The following MERTK variants were observed in gnomAD, a reference collection of about 807,000 sequenced individuals.
The protein encoded by MERTK is MER proto-oncogene, tyrosine kinase.
Under a neutral mutation model 99.3 loss-of-function variants are expected in MERTK, and 69 were observed. The observed-to-expected ratio is 0.70, with a 90% CI of 0.57 to 0.85. The LOEUF (loss-of-function observed/expected upper bound fraction) is 0.85, where lower values mean the gene tolerates loss of function less well. MERTK is among the 40% of genes least tolerant of loss of function. The pLI is 0.00. For missense variants in MERTK, 1,125 were observed against 1,249.4 expected (o/e 0.90, Z 1.50); for synonymous variants, 426 against 467.6 (o/e 0.91, Z 1.15).
intron 11 of MERTK, among the ~76,000 whole-genome samples, chr2:112,002,720 T>G (rs1014282434): frequency 6.6e-6 from 1 of 152,176 alleles, no homozygotes; most frequent in African/African-American, 2.4e-5. Flanking sequence ...ACACCTGTAA[T>G]CCCAGCACTT....
intron 1 of MERTK, among the ~76,000 whole-genome samples, chr2:111,910,137 T>A (rs1378813193): frequency 6.6e-6 from 1 of 152,180 alleles, no homozygotes; most frequent in Non-Finnish European, 1.5e-5. Flanking sequence ...TTGTGGTGCA[T>A]GCCTATGGTC....
intron 1 of MERTK, among the ~76,000 whole-genome samples, chr2:111,903,235 C>T (rs1005629851): frequency 1.2e-4 from 19 of 152,240 alleles, no homozygotes; most frequent in African/African-American, 4.6e-4. Context: ...CAAGCCCCTG[C>T]ATGTCTTACC....
chr2:111,928,216 C>CCTTTTTTTTTTTTTTTTTTTT (rs1558774697), intron 1 of MERTK, among the ~76,000 whole-genome samples: 1 of 84,848 alleles, frequency 1.2e-5, no homozygotes. Context: ...CCATGAGCAG[C>CCTTTTTTTTTTTTTTTTTTTT]TTTTTTTTTT....
intron 2 of MERTK, among the ~76,000 whole-genome samples, chr2:111,932,469 C>T (rs1455893449): frequency 6.6e-6 from 1 of 152,192 alleles, no homozygotes; most frequent in Non-Finnish European, 1.5e-5. Context: ...GCGTGAGCCA[C>T]CGTGCCTGGC....
chr2:111,921,820 T>C (rs767576323), intron 1 of MERTK, among the ~76,000 whole-genome samples: 3 of 152,136 alleles, frequency 2.0e-5, no homozygotes, highest in Non-Finnish European at 4.4e-5. Context: ...CTTGAACTCC[T>C]GGGCTCAAGC....
At chr2:111,939,663 T>TTG (rs1553448438) in intron 2 of MERTK, among the ~76,000 whole-genome samples, 3 of 129,420 alleles carry the variant, frequency 2.3e-5, no homozygotes, top group Non-Finnish European at 5.0e-5. Context: ...AATTTTTTTT[T>TTG]TTTTTTTTTT....
chr2:112,029,183 G>T lies in MERTK; in HGVS notation c.*319G>T. On this transcript the variant is annotated 3_prime_UTR_variant, in exon 19 of 19. Transcript: ENST00000295408. ...ATATTAACATTTGTACAGAGTTGAA[G>T]TTGTTTTTTCAAGTTCTTTTCTTTT... 9.9e-7 allele frequency: 1 copy of T among 1,009,888 alleles called. No homozygotes were observed. Among genetic ancestry groups the T allele is most frequent in the Non-Finnish European group, 1.2e-6 (1 of 840,922 alleles). 62.6% of individuals were successfully genotyped at this position (1,009,888 alleles called of 1,614,324 possible).
chr2:111,951,714 A>G (rs1356965505), intron 4 of MERTK, among the ~76,000 whole-genome samples: 1 of 151,612 alleles, frequency 6.6e-6, no homozygotes. Flanking sequence ...TTGATGAATC[A>G]TATGGTAGTT....
At chr2:111,920,558 G>A (rs1471669131) in intron 1 of MERTK, among the ~76,000 whole-genome samples, 1 of 106,304 alleles carries the variant, frequency 9.4e-6, no homozygotes, top group Non-Finnish European at 2.0e-5. Flanking sequence ...CTGATTGAAG[G>A]TTGTTTTTTT....
intron 16 of MERTK, 113 bp from the exon 17 acceptor site, chr2:112,021,309 T>C: frequency 6.8e-7 from 1 of 1,476,332 alleles, no homozygotes; most frequent in Non-Finnish European, 9.3e-7. Flanking sequence ...GCTGGTGGTG[T>C]CTCTGTGTTC....
At chr2:111,988,672 G>C (rs1008742725) in intron 8 of MERTK, among the ~76,000 whole-genome samples, 2 of 152,242 alleles carry the variant, frequency 1.3e-5, no homozygotes, top group African/African-American at 4.8e-5. Flanking sequence ...GAGGCCAGGC[G>C]TGGTGGCTCA....
intron 2 of MERTK, among the ~76,000 whole-genome samples, chr2:111,932,754 ATAT>A (rs1684697187): frequency 6.6e-6 from 1 of 152,150 alleles, no homozygotes; most frequent in South Asian, 2.1e-4. Context: ...CTAAGAGTAT[ATAT>A]TAGTTTCAGG....
rs775447198 is a variant in MERTK at position 111,997,349 on chromosome 2, A to G, written c.1477A>G (p.Thr493Ala). ...TTGGGTAGATTATGCCCCCTCTTCA[A>G]CTCCGGCGCCTGGCAACGCAGATCC... ...HGWVDYAPSS[T>A]PAPGNADPVL... The change falls in exon 10 of 19, where the codon ACT (threonine) becomes GCT (alanine). Residue 493 changes from threonine to alanine, a missense_variant. Transcript: ENST00000295408. 6 of 1,613,800 alleles carry G rather than the reference A, an allele frequency of 3.7e-6. No homozygotes were observed. The highest frequency in any genetic ancestry group is 4.5e-5 in the East Asian group (2 of 44,902).
At chr2:112,019,603 T>A in intron 16 of MERTK, 81 bp downstream of exon 16, 1 of 1,063,664 alleles carries the variant, frequency 9.4e-7, no homozygotes, top group South Asian at 1.3e-5. Context: ...GACCTGTTCC[T>A]GTTTAGATAG....
chr2:111,988,881 G>A (rs570824805), intron 8 of MERTK, among the ~76,000 whole-genome samples: 2 of 152,268 alleles, frequency 1.3e-5, no homozygotes, highest in African/African-American at 2.4e-5. Context: ...TCTAGGAGGC[G>A]GAGGTTGCAG....
intron 14 of MERTK, 137 bp from the exon 15 acceptor site, chr2:112,009,811 G>A (rs1573638140): frequency 2.7e-6 from 2 of 745,442 alleles, no homozygotes; most frequent in East Asian, 2.5e-5. Context: ...AGAACAGAGT[G>A]TGAGTTAGGC....
intron 1 of MERTK, among the ~76,000 whole-genome samples, chr2:111,911,831 G>A (rs1169092633): frequency 6.6e-6 from 1 of 151,126 alleles, no homozygotes; most frequent in African/African-American, 2.4e-5. Flanking sequence ...TAGGACTACA[G>A]GTGCATGCCA....
rs138846439 is a variant in MERTK, at chr2:111,934,623, T to C, written c.482+5083T>C. The stretch of plus-strand genomic sequence containing the variant: ...TTGTAGATTCTGGATATTAGCCCTT[T>C]GTCAGATGGATAGATTGCAGAAATT... On this transcript the variant is annotated intron_variant, in intron 2 of 18. Transcript: ENST00000295408. Among the ~76,000 whole-genome samples the C allele has an allele frequency of 2.7e-3, 413 of 152,350 alleles. 12 individuals carry two copies. In the East Asian group the frequency reaches 0.056, roughly 21 times the overall value.
At chr2:112,003,710 C>T (rs72940037) in intron 12 of MERTK, among the ~76,000 whole-genome samples, 194 bp from the exon 13 acceptor site, 6,569 of 152,190 alleles carry the variant, frequency 0.043, 486 homozygotes, top group African/African-American at 0.15. Context: ...CACCCAAGCT[C>T]GTGACAAGCA....
Sources: gnomAD v4.1 joint callset for allele counts (sites outside exome capture counted in the v4.1 genomes callset) on GRCh38, gnomAD v4.1.1 for gene constraint, MANE v1.5 for transcripts, NCBI Gene and HGNC (gene_info 2026-07-23, HGNC 2026-07-21) for gene names.